NDE1: variants seen among roughly 807,000 people sequenced by gnomAD.
The protein encoded by NDE1 is nuclear distribution protein nudE homolog 1.
In NDE1, 28 loss-of-function variants were observed where a neutral mutation model predicts 43.4. The ratio of observed to expected loss-of-function variants is 0.65; its 90% CI spans 0.48 to 0.89. NDE1 has a LOEUF of 0.89. NDE1 is among the 40% of genes least tolerant of loss of function. NDE1 has a pLI of 0.00. For missense variants in NDE1, 441 were observed against 434.1 expected (o/e 1.02, Z -0.14); for synonymous variants, 184 against 172.0 (o/e 1.07, Z -0.55).
intron 1 of NDE1, among the ~76,000 whole-genome samples, chr16:15,652,655 G>T (rs957173194): frequency 2.0e-5 from 3 of 152,018 alleles, no homozygotes; most frequent in African/African-American, 7.2e-5. Flanking sequence ...TTTACTTTTT[G>T]TCCAAGTTTT....
intron 8 of NDE1, among the ~76,000 whole-genome samples, chr16:15,722,692 G>A (rs1057277676): frequency 6.6e-6 from 1 of 152,210 alleles, no homozygotes; most frequent in Non-Finnish European, 1.5e-5. Context: ...CAGTCAGGGA[G>A]GGGTAGGGAA....
chr16:15,677,757 C>T, intron 3 of NDE1, 44 bp from the exon 4 acceptor site: 1 of 1,612,380 alleles, frequency 6.2e-7, no homozygotes. Context: ...CTAGCCTTCT[C>T]AGAAGTCTTA....
At chr16:15,718,257 G>A in intron 8 of NDE1, 1 of 1,603,184 alleles carries the variant, frequency 6.2e-7, no homozygotes, top group Non-Finnish European at 8.5e-7. Flanking sequence ...ACTGGTGCAG[G>A]ATCCTGCTGC....
At chr16:15,711,301 C>T (rs2039779150) in intron 8 of NDE1, 1 of 152,180 alleles carries the variant, frequency 6.6e-6, no homozygotes, top group African/African-American at 2.4e-5. Flanking sequence ...CATTTCCTTT[C>T]CAACTCTTTT....
At chr16:15,710,206 G>C (rs2039701652) in intron 8 of NDE1, among the ~76,000 whole-genome samples, 1 of 152,204 alleles carries the variant, frequency 6.6e-6, no homozygotes, top group Non-Finnish European at 1.5e-5. Context: ...GAACCCACAG[G>C]AGGTGTCCAG....
intron 8 of NDE1, chr16:15,715,134 G>A (rs780071907): frequency 5.6e-6 from 9 of 1,612,448 alleles, no homozygotes; most frequent in Non-Finnish European, 6.8e-6. Flanking sequence ...GGGGCTGGGG[G>A]CTCGAGGGAG....
At chr16:15,649,821 C>T (rs1018993053), upstream of NDE1, among the ~76,000 whole-genome samples, 2 of 152,190 alleles carry the variant, frequency 1.3e-5, no homozygotes, top group African/African-American at 4.8e-5. Context: ...AGGAAGGGCA[C>T]GGGGCACTGC....
At chr16:15,664,598 G>A (rs1194936456) in intron 1 of NDE1, 138 bp from the exon 2 acceptor site, 27 of 602,912 alleles carry the variant, frequency 4.5e-5, no homozygotes, top group Non-Finnish European at 6.7e-5. Flanking sequence ...CTCGTGATCC[G>A]CCCGCCTCAG....
intron 8 of NDE1, chr16:15,701,164 G>A (rs369119616): frequency 2.1e-4 from 32 of 151,950 alleles, no homozygotes; most frequent in African/African-American, 7.7e-4. Context: ...TTGGACCCGG[G>A]AGGTGGAGGG....
chr16:15,710,468 C>A (rs1013991907), intron 8 of NDE1, among the ~76,000 whole-genome samples: 1 of 152,078 alleles, frequency 6.6e-6, no homozygotes, highest in Non-Finnish European at 1.5e-5. Flanking sequence ...TTGCAGTGAG[C>A]CGAGATCGCG....
chr16:15,659,033 G>A (rs912371756), intron 1 of NDE1, among the ~76,000 whole-genome samples: 15 of 152,120 alleles, frequency 9.9e-5, no homozygotes, highest in Admixed American at 2.6e-4. Flanking sequence ...TGAGTGGGTC[G>A]GGAAATAGCA....
intron 6 of NDE1, among the ~76,000 whole-genome samples, chr16:15,692,533 C>T (rs569582341): frequency 1.3e-5 from 2 of 152,122 alleles, no homozygotes; most frequent in South Asian, 4.2e-4. Context: ...CCTCAGCCTC[C>T]TGAGTAAGCT....
At chr16:15,709,556 C>G (rs1175164253) in intron 8 of NDE1, among the ~76,000 whole-genome samples, 1 of 152,124 alleles carries the variant, frequency 6.6e-6, no homozygotes, top group Non-Finnish European at 1.5e-5. Flanking sequence ...CTCAAGTGAT[C>G]CACCCACCTC....
intron 8 of NDE1, chr16:15,719,557 A>C (rs2040354881): frequency 1.2e-6 from 2 of 1,613,318 alleles, no homozygotes; most frequent in Non-Finnish European, 8.5e-7. Context: ...CCCGCATCTG[A>C]GGCTCTCCTA....
intron 5 of NDE1, among the ~76,000 whole-genome samples, chr16:15,690,820 T>G (rs1457468359): frequency 6.6e-6 from 1 of 152,086 alleles, no homozygotes; most frequent in Non-Finnish European, 1.5e-5. Flanking sequence ...CCCTTTTTGT[T>G]TTTTGAGACG....
chr16:15,704,356 G>GGGGT (rs1375360944), intron 8 of NDE1, among the ~76,000 whole-genome samples: 1 of 152,118 alleles, frequency 6.6e-6, no homozygotes, highest in Non-Finnish European at 1.5e-5. Context: ...ATTGGTTGCG[G>GGGGT]GGGTGGGTGG....
chr16:15,703,088 A>C (rs535310204), intron 8 of NDE1: 1 of 177,652 alleles, frequency 5.6e-6, no homozygotes, highest in South Asian at 2.0e-4. Context: ...GCCTTCCCCA[A>C]CTCCTTTTCC....
chr16:15,677,331 C>T (rs1488608949), intron 3 of NDE1, among the ~76,000 whole-genome samples: 1 of 152,044 alleles, frequency 6.6e-6, no homozygotes, highest in East Asian at 1.9e-4. Context: ...CACCTGTAAT[C>T]CCAGCACTTT....
intron 8 of NDE1, among the ~76,000 whole-genome samples, chr16:15,708,460 G>A (rs530508593): frequency 2.0e-5 from 3 of 152,326 alleles, no homozygotes; most frequent in Non-Finnish European, 2.9e-5. Context: ...CCCTAACCAC[G>A]TAAGAGTGGC....
Sources: allele counts gnomAD v4.1 joint callset (sites outside exome capture counted in the v4.1 genomes callset), GRCh38; gene constraint gnomAD v4.1.1; transcripts MANE v1.5; gene names NCBI Gene and HGNC (gene_info 2026-07-23, HGNC 2026-07-21).